The following DNAH11 variants were observed in gnomAD, a reference collection of about 807,000 sequenced individuals.
DNAH11 encodes axonemal beta dynein heavy chain 11.
In DNAH11, 442 loss-of-function variants were observed where a neutral mutation model predicts 526.0. That is an observed-to-expected ratio of 0.84 (90% CI 0.78 to 0.91). The LOEUF (loss-of-function observed/expected upper bound fraction) is 0.91, where lower values mean the gene tolerates loss of function less well. Ranked by LOEUF, DNAH11 falls within the 40% of genes least tolerant of loss-of-function variation. The pLI is 0.00. For missense variants in DNAH11, 6,989 were observed against 5,448.7 expected, an observed-to-expected ratio of 1.28 and a Z score of -8.90; for synonymous variants, 2,461 against 1,935.9, an observed-to-expected ratio of 1.27 and a Z score of -7.12.
intron 29 of DNAH11, among the ~76,000 whole-genome samples, chr7:21,657,071 G>T (rs577016756): frequency 6.6e-6 from 1 of 152,232 alleles, no homozygotes; most frequent in East Asian, 1.9e-4. Flanking sequence ...TTTTTATAGT[G>T]CTCTAATTTA....
In DNAH11 at chr7:21,821,641, G is replaced by A. The variant is rs542568561; in HGVS notation, c.10691+3302G>A. The stretch of plus-strand genomic sequence containing the variant: ...ATGAGATATTTTGATACATGTATAC[G>A]ATGTGTGATGATCAAGTCAGGATGA... On this transcript the variant is annotated intron_variant, in intron 65 of 81. Transcript: ENST00000409508. 3.3e-5 allele frequency among the ~76,000 whole-genome samples: 5 copies of A among 152,068 alleles called. No homozygotes were observed. In the East Asian group the frequency reaches 7.7e-4, roughly 24 times the overall value.
At chr7:21,596,471 G>C (rs1024556901) in intron 14 of DNAH11, among the ~76,000 whole-genome samples, 5 of 152,162 alleles carry the variant, frequency 3.3e-5, no homozygotes, top group African/African-American at 1.2e-4. Flanking sequence ...TTCAATAAAT[G>C]CTGTGAATTA....
intron 65 of DNAH11, among the ~76,000 whole-genome samples, chr7:21,823,763 A>G (rs1790154781): frequency 6.6e-6 from 1 of 152,236 alleles, no homozygotes. Flanking sequence ...CAAATACTAG[A>G]CAAAAACTAA....
chr7:21,796,434 T>C (rs1000001498), intron 61 of DNAH11, among the ~76,000 whole-genome samples: 7 of 151,980 alleles, frequency 4.6e-5, no homozygotes, highest in African/African-American at 1.7e-4. Context: ...GGAAGCAGAA[T>C]GAACATGGAT....
chr7:21,842,498 A>T, intron 65 of DNAH11, 46 bp from the exon 66 acceptor site: 1 of 1,502,256 alleles, frequency 6.7e-7, no homozygotes, highest in Non-Finnish European at 9.2e-7. Context: ...AGTATCAGTT[A>T]TGGGTCATAG....
At chr7:21,639,285 G>C (rs1389390961) in intron 28 of DNAH11, among the ~76,000 whole-genome samples, 1 of 152,178 alleles carries the variant, frequency 6.6e-6, no homozygotes, top group African/African-American at 2.4e-5. Context: ...ACTATATTCA[G>C]TGTGTAAGGC....
At chr7:21,722,867 G>A (rs1034347630) in intron 44 of DNAH11, among the ~76,000 whole-genome samples, 1 of 152,084 alleles carries the variant, frequency 6.6e-6, no homozygotes, top group South Asian at 2.1e-4. Context: ...TGTAAAATCA[G>A]GTGGGATGTT....
At position 21,816,110 on chromosome 7, in the gene DNAH11, G is replaced by T. The variant is rs76470847; in HGVS notation, c.10333-357G>T. 5.2e-3 allele frequency among the ~76,000 whole-genome samples: 786 copies of T among 152,174 alleles called. 4 individuals are homozygous for T. The highest frequency in any genetic ancestry group is 0.025 in the South Asian group (118 of 4,816). On this transcript the variant is annotated intron_variant, in intron 63 of 81. Coordinates refer to ENST00000409508, the MANE Select transcript of DNAH11 (RefSeq NM_001277115.2). ...TTTTAGCATTGCTTATGTGGGGGTGGGGGGCATGGATTGCTCCATGGGCAA... is the reference window on the plus strand; with the variant it reads ...TTTTAGCATTGCTTATGTGGGGGTGTGGGGCATGGATTGCTCCATGGGCAA...
chr7:21,868,857 C>T lies in DNAH11; in HGVS notation c.11840-7C>T. 6.2e-7 allele frequency: 1 copy of T among 1,613,908 alleles called. No homozygotes were observed. Among genetic ancestry groups the T allele is most frequent in the Non-Finnish European group, 8.5e-7 (1 of 1,179,856 alleles). ...ATTTCCTCTCACCGTGGTGTATTCTCCCACAGGCAAAAGACTTGGCTTTAC... is the reference window on the plus strand; with the variant it reads ...ATTTCCTCTCACCGTGGTGTATTCTTCCACAGGCAAAAGACTTGGCTTTAC... On this transcript the variant is annotated splice_region_variant and splice_polypyrimidine_tract_variant and intron_variant, in intron 72 of 81. Coordinates refer to ENST00000409508, the MANE Select transcript of DNAH11 (RefSeq NM_001277115.2).
In DNAH11 at chr7:21,828,950, T is replaced by C. The variant is rs533791886; in HGVS notation, c.10691+10611T>C. 6.1e-4 allele frequency among the ~76,000 whole-genome samples: 93 copies of C among 152,272 alleles called. 1 individual carries two copies. The highest frequency in any genetic ancestry group is 2.2e-3 in the African/African-American group (92 of 41,566). Reference sequence around the variant, plus strand: ...TCAGGGTTTTCTTTCCTTCTTTTCCTTGAGCGTCTTGCCAGCTGTGCAGCT... The same window carrying C: ...TCAGGGTTTTCTTTCCTTCTTTTCCCTGAGCGTCTTGCCAGCTGTGCAGCT... On this transcript the variant is annotated intron_variant, in intron 65 of 81. Coordinates refer to ENST00000409508, the MANE Select transcript of DNAH11 (RefSeq NM_001277115.2).
At chr7:21,803,186 G>C (rs917703770) in intron 62 of DNAH11, among the ~76,000 whole-genome samples, 1 of 152,128 alleles carries the variant, frequency 6.6e-6, no homozygotes, top group African/African-American at 2.4e-5. Context: ...ACTAAAATAT[G>C]TAACTGCACT....
At chr7:21,872,200 T>G (rs1783529909) in intron 73 of DNAH11, among the ~76,000 whole-genome samples, 1 of 149,960 alleles carries the variant, frequency 6.7e-6, no homozygotes, top group Non-Finnish European at 1.5e-5. Flanking sequence ...AGACCCTATT[T>G]CCAAATACAG....
chr7:21,812,519 T>G (rs1431365423), intron 63 of DNAH11, among the ~76,000 whole-genome samples: 1 of 78,916 alleles, frequency 1.3e-5, no homozygotes, highest in Non-Finnish European at 2.5e-5. Flanking sequence ...AAAAAAATTT[T>G]TTTTAAACCC....
At chr7:21,868,841 C>T in intron 72 of DNAH11, 23 bp from the exon 73 acceptor site, 1 of 1,613,654 alleles carries the variant, frequency 6.2e-7, no homozygotes, top group Non-Finnish European at 8.5e-7. Flanking sequence ...CATTTCCTCT[C>T]ACCGTGGTGT....
Position 21,717,782 on chromosome 7 carries a change from G to T in DNAH11, c.6991G>T (p.Ala2331Ser). 1 of 1,613,694 alleles carries T rather than the reference G, an allele frequency of 6.2e-7. No individual in the cohort carries two copies. The change falls in exon 43 of 82, where the codon GCC becomes TCC. Residue 2331 changes from alanine to serine, a missense_variant. Physicochemically the swap from Ala to Ser is moderately conservative, Grantham distance 99 (BLOSUM62 1). Coordinates refer to ENST00000409508, the MANE Select transcript of DNAH11 (RefSeq NM_001277115.2). ...TTCTGTGTTCCTTTTCAGGTATGTG[G>T]CCAGTTGGATAGACAGAAGGCGGCA... is the stretch of plus-strand genomic sequence containing the variant. ...PQDLGWNPYV[A>S]SWIDRRRHQS...
intron 54 of DNAH11, 59 bp downstream of exon 54, chr7:21,750,423 T>C: frequency 6.5e-6 from 10 of 1,536,738 alleles, no homozygotes; most frequent in Non-Finnish European, 7.9e-6. Flanking sequence ...AACTCTCTGG[T>C]TCTATTCTGA....
intron 40 of DNAH11, 23 bp downstream of exon 40, chr7:21,707,858 G>A (rs1562500941): frequency 1.3e-6 from 2 of 1,539,396 alleles, no homozygotes; most frequent in East Asian, 2.3e-5. Flanking sequence ...CTTTAGAAGT[G>A]CTCAATTTTT....
chr7:21,786,592 C>A, intron 58 of DNAH11, 32 bp from the exon 59 acceptor site: 1 of 1,581,774 alleles, frequency 6.3e-7, no homozygotes, highest in Admixed American at 1.7e-5. Flanking sequence ...CTAATCCTGT[C>A]TGTGTACGTG....
At chr7:21,858,830 G>A (rs1279803612) in intron 68 of DNAH11, among the ~76,000 whole-genome samples, 1 of 152,110 alleles carries the variant, frequency 6.6e-6, no homozygotes, top group African/African-American at 2.4e-5. Flanking sequence ...TATTTGTCAA[G>A]ACTCATCAAA....
Sources: gnomAD v4.1 joint callset for allele counts (sites outside exome capture counted in the v4.1 genomes callset) on GRCh38, gnomAD v4.1.1 for gene constraint, MANE v1.5 for transcripts, NCBI Gene and HGNC (gene_info 2026-07-23, HGNC 2026-07-21) for gene names.